The following CFAP161 variants were observed in gnomAD, a reference collection of about 807,000 sequenced individuals.
The protein encoded by CFAP161 is cilia and flagella associated protein 161.
Under a neutral mutation model 29.0 loss-of-function variants are expected in CFAP161, and 25 were observed. The observed-to-expected ratio is 0.86, with a 90% CI of 0.63 to 1.20. CFAP161 has a LOEUF of 1.20. Ranked by LOEUF, CFAP161 falls within the 50% of genes most tolerant of loss-of-function variation. The pLI is 0.00. For synonymous variants in CFAP161, 116 were observed against 137.4 expected, an observed-to-expected ratio of 0.84 and a Z score of 1.09; for missense variants, 367 against 371.9, an observed-to-expected ratio of 0.99 and a Z score of 0.11.
chr15:81,148,275 A>T, intron 6 of CFAP161, 63 bp from the exon 7 acceptor site: 1 of 1,453,140 alleles, frequency 6.9e-7, no homozygotes, highest in Non-Finnish European at 9.5e-7. Context: ...TTAAATTATT[A>T]ATAACAGCTT....
chr15:81,125,556 T>A (rs759700537), intron 1 of CFAP161, among the ~76,000 whole-genome samples: 1 of 152,236 alleles, frequency 6.6e-6, no homozygotes, highest in Non-Finnish European at 1.5e-5. Flanking sequence ...AAGACATTTT[T>A]ATTTTTATGT....
chr15:81,136,488 A>G, intron 2 of CFAP161, 28 bp from the exon 3 acceptor site: 2 of 1,599,690 alleles, frequency 1.3e-6, no homozygotes, highest in Non-Finnish European at 1.7e-6. Context: ...TGCATGGTTT[A>G]TGTAATAAAC....
chr15:81,137,945 T>TC lies in CFAP161; in HGVS notation c.393-105dup, dbSNP rs1178570908. 4.2e-6 allele frequency: 3 copies of TC among 718,096 alleles called. No individual in the cohort carries two copies. In the East Asian group the frequency reaches 9.4e-5, roughly 23 times the overall value. The allele number at this position is 718,096 out of a possible 1,614,324, so 44.5% of individuals were successfully genotyped here. A position where few individuals can be genotyped will look rare whatever the true frequency, so the allele number is the denominator to read the frequency against. On this transcript the variant is annotated intron_variant, in intron 3 of 6. Coordinates refer to ENST00000286732, the MANE Select transcript of CFAP161 (RefSeq NM_173528.4). The stretch of plus-strand genomic sequence containing the variant: ...AGTTACAGTATGTGAATATAAATTA[T>TC]CAAAAAACTGATTATAAACAAAATT...
chr15:81,126,619 T>C (rs1368498795), intron 1 of CFAP161, among the ~76,000 whole-genome samples: 1 of 152,256 alleles, frequency 6.6e-6, no homozygotes. Flanking sequence ...GTTATTGCTC[T>C]GAGCTCAAGA....
intron 1 of CFAP161, among the ~76,000 whole-genome samples, chr15:81,134,746 C>T (rs917330846): frequency 1.3e-5 from 2 of 152,170 alleles, no homozygotes; most frequent in African/African-American, 4.8e-5. Context: ...TCTCAGGCTG[C>T]GGGCCAGGTG....
In CFAP161 at chr15:81,149,168, T is replaced by C. The variant is rs1263227292; in HGVS notation, c.*635T>C. ...TAGTTCCTGACAAAATAAATGTATG[T>C]CCTTCCATGTATTTGTTCATCTGTT... On this transcript the variant is annotated 3_prime_UTR_variant, in exon 7 of 7. Coordinates refer to ENST00000286732, the MANE Select transcript of CFAP161 (RefSeq NM_173528.4). 6.6e-6 allele frequency: 1 copy of C among 152,258 alleles called. No homozygotes were observed. Among genetic ancestry groups the C allele is most frequent in the African/African-American group, 2.4e-5 (1 of 41,468 alleles). The allele number at this position is 152,258 out of a possible 1,614,324, so 9.4% of individuals were successfully genotyped here. A position where few individuals can be genotyped will look rare whatever the true frequency, so the allele number is the denominator to read the frequency against.
At chr15:81,144,784 CAAAAA>C (rs57014546) in intron 5 of CFAP161, among the ~76,000 whole-genome samples, 1 of 105,886 alleles carries the variant, frequency 9.4e-6, no homozygotes, top group Non-Finnish European at 2.1e-5. Context: ...GACCGTGTCT[CAAAAA>C]AAAAAAAAAA....
chr15:81,123,078 A>G (rs981944950), intron 1 of CFAP161, among the ~76,000 whole-genome samples: 2 of 152,084 alleles, frequency 1.3e-5, no homozygotes, highest in African/African-American at 4.8e-5. Context: ...TTTTGTTGCA[A>G]TTGCTTTTGG....
At chr15:81,125,342 G>A (rs960025690) in intron 1 of CFAP161, among the ~76,000 whole-genome samples, 1 of 152,036 alleles carries the variant, frequency 6.6e-6, no homozygotes, top group African/African-American at 2.4e-5. Flanking sequence ...TCAGCAAAAT[G>A]TATCAGAAGA....
intron 1 of CFAP161, chr15:81,117,914 G>T: frequency 2.4e-6 from 1 of 423,904 alleles, no homozygotes; most frequent in Non-Finnish European, 4.5e-6. Flanking sequence ...CCATCCACCT[G>T]GGCATCTGAG....
chr15:81,142,962 G>A (rs1388316899), intron 4 of CFAP161, among the ~76,000 whole-genome samples: 1 of 152,136 alleles, frequency 6.6e-6, no homozygotes, highest in Non-Finnish European at 1.5e-5. Flanking sequence ...ATATTGATTT[G>A]AAGAATAATT....
chr15:81,133,223 A>T (rs58017135), upstream of CFAP161, among the ~76,000 whole-genome samples: 914 of 25,644 alleles, frequency 0.036, 40 homozygotes, highest in African/African-American at 0.086. Flanking sequence ...ATATATATAT[A>T]TGTATTTTTT....
At chr15:81,144,909 G>A (rs895898685) in intron 5 of CFAP161, among the ~76,000 whole-genome samples, 3 of 152,140 alleles carry the variant, frequency 2.0e-5, no homozygotes, top group East Asian at 1.9e-4. Context: ...ATCACTGTGC[G>A]ACACTTTCTC....
chr15:81,143,630 G>A (rs766246784), intron 4 of CFAP161, 32 bp from the exon 5 acceptor site: 3 of 1,598,828 alleles, frequency 1.9e-6, no homozygotes, highest in South Asian at 2.2e-5. Flanking sequence ...ACAGAGCTCT[G>A]ACTTAGTGCA....
intron 1 of CFAP161, 29 bp downstream of exon 1, chr15:81,134,427 C>T (rs1485376020): frequency 6.4e-7 from 1 of 1,563,704 alleles, no homozygotes. Flanking sequence ...GGCGCAGACC[C>T]GCAGCTCAGG....
intron 5 of CFAP161, among the ~76,000 whole-genome samples, chr15:81,147,125 C>A (rs186013064): frequency 1.3e-5 from 2 of 151,718 alleles, no homozygotes; most frequent in African/African-American, 4.8e-5. Context: ...GCAGATTCAC[C>A]GAGCACAAGA....
intron 1 of CFAP161, 81 bp downstream of exon 1, chr15:81,134,479 C>T: frequency 1.5e-6 from 2 of 1,372,698 alleles, no homozygotes; most frequent in Admixed American, 2.0e-5. Flanking sequence ...CTACTTTGAG[C>T]GCCTCAAGCC....
intron 1 of CFAP161, among the ~76,000 whole-genome samples, chr15:81,110,089 A>T (rs1364256499): frequency 6.6e-6 from 1 of 152,002 alleles, no homozygotes; most frequent in East Asian, 1.9e-4. Flanking sequence ...CTCAAAATAG[A>T]TCCTGTTCAG....
At chr15:81,105,304 CCTTTCTTCCTTT>C (rs1237201823) in intron 1 of CFAP161, among the ~76,000 whole-genome samples, 3 of 124,278 alleles carry the variant, frequency 2.4e-5, no homozygotes, top group Non-Finnish European at 5.0e-5. Flanking sequence ...TCTTTTCCTT[CCTTTCTTCCTTT>C]CTTTCCTTTC....
Sources: gnomAD v4.1 joint callset for allele counts (sites outside exome capture counted in the v4.1 genomes callset) on GRCh38, gnomAD v4.1.1 for gene constraint, MANE v1.5 for transcripts, NCBI Gene and HGNC (gene_info 2026-07-23, HGNC 2026-07-21) for gene names.